PAWR: variants seen among roughly 807,000 people sequenced by gnomAD.
The protein encoded by PAWR is pro-apoptotic WT1 regulator.
A neutral mutation model predicts 32.0 loss-of-function variants in PAWR; 23 were observed. That is an observed-to-expected ratio of 0.72 (90% CI 0.52 to 1.02). The LOEUF (loss-of-function observed/expected upper bound fraction) is 1.02. PAWR is among the 50% of genes least tolerant of loss of function. The pLI is 0.00. For missense variants in PAWR, 457 were observed against 437.7 expected, an observed-to-expected ratio of 1.04 and a Z score of -0.39; for synonymous variants, 226 against 187.1, an observed-to-expected ratio of 1.21 and a Z score of -1.70.
At chr12:79,609,944 A>G (rs756815796) in intron 4 of PAWR, among the ~76,000 whole-genome samples, 2 of 152,202 alleles carry the variant, frequency 1.3e-5, no homozygotes, top group East Asian at 1.9e-4. Context: ...CCCCCTAGAT[A>G]CTGCCATGGG....
chr12:79,675,105 C>T (rs1419920028), intron 2 of PAWR, among the ~76,000 whole-genome samples: 3 of 152,186 alleles, frequency 2.0e-5, no homozygotes, highest in East Asian at 1.9e-4. Context: ...GGGCCAGGCA[C>T]GGTGGCTCAT....
intron 2 of PAWR, among the ~76,000 whole-genome samples, chr12:79,650,305 G>GC (rs35804660): frequency 0.013 from 1,914 of 152,270 alleles, 48 homozygotes; most frequent in African/African-American, 0.043. Flanking sequence ...CTGCTGAGCT[G>GC]CAAAGGAAGG....
intron 2 of PAWR, among the ~76,000 whole-genome samples, chr12:79,657,780 C>T (rs186099085): frequency 3.0e-3 from 444 of 150,046 alleles, no homozygotes; most frequent in Middle Eastern, 0.01. Flanking sequence ...GGCCACAGAG[C>T]GAGACTCCGT....
At chr12:79,639,769 A>C (rs1876188425) in intron 2 of PAWR, among the ~76,000 whole-genome samples, 1 of 146,388 alleles carries the variant, frequency 6.8e-6, no homozygotes. Context: ...ATACTGTATA[A>C]GTACTTAAGA....
At chr12:79,612,011 C>T (rs1465077253) in intron 4 of PAWR, among the ~76,000 whole-genome samples, 5 of 152,056 alleles carry the variant, frequency 3.3e-5, no homozygotes, top group African/African-American at 1.2e-4. Context: ...ATACAACAAA[C>T]TTGATAAGTT....
At chr12:79,643,269 C>T (rs368230842) in intron 2 of PAWR, among the ~76,000 whole-genome samples, 1 of 152,138 alleles carries the variant, frequency 6.6e-6, no homozygotes, top group East Asian at 1.9e-4. Flanking sequence ...ATATAGTACC[C>T]TTAACTTTTA....
At chr12:79,659,217 C>T (rs767195808) in intron 2 of PAWR, among the ~76,000 whole-genome samples, 4 of 151,818 alleles carry the variant, frequency 2.6e-5, no homozygotes, top group African/African-American at 7.3e-5. Flanking sequence ...TCGCTTGATC[C>T]CGGGAGGTGG....
chr12:79,603,085 AAAAAAAT>A (rs1251413181), intron 4 of PAWR, among the ~76,000 whole-genome samples: 1 of 150,914 alleles, frequency 6.6e-6, no homozygotes, highest in African/African-American at 2.5e-5. Context: ...CTATAAAATT[AAAAAAAT>A]AAAAAATTAG....
intron 2 of PAWR, among the ~76,000 whole-genome samples, chr12:79,683,698 T>C (rs886498917): frequency 6.6e-6 from 1 of 152,108 alleles, no homozygotes; most frequent in African/African-American, 2.4e-5. Context: ...AAAAGTTTTA[T>C]TAAGGTGAAA....
chr12:79,647,828 A>G (rs1425278916), intron 2 of PAWR, among the ~76,000 whole-genome samples: 1 of 152,228 alleles, frequency 6.6e-6, no homozygotes, highest in Non-Finnish European at 1.5e-5. Flanking sequence ...TTCCCAATAT[A>G]GTTTTCTAAC....
chr12:79,593,892 C>G (rs113968256), intron 6 of PAWR, among the ~76,000 whole-genome samples: 1 of 151,082 alleles, frequency 6.6e-6, no homozygotes, highest in Non-Finnish European at 1.5e-5. Flanking sequence ...TTAGTAGAGT[C>G]GGGGTTTTAC....
chr12:79,654,688 T>C (rs1034331760), intron 2 of PAWR, among the ~76,000 whole-genome samples: 9 of 152,182 alleles, frequency 5.9e-5, no homozygotes, highest in Non-Finnish European at 8.8e-5. Context: ...CTTACAATCA[T>C]GGAGGAAGGC....
intron 2 of PAWR, among the ~76,000 whole-genome samples, chr12:79,643,087 G>A (rs907048973): frequency 1.3e-5 from 2 of 151,952 alleles, no homozygotes; most frequent in Non-Finnish European, 2.9e-5. Context: ...TTGCTTTCAG[G>A]CAATTTTTGC....
At chr12:79,670,678 G>A (rs1429962416) in intron 2 of PAWR, among the ~76,000 whole-genome samples, 5 of 151,886 alleles carry the variant, frequency 3.3e-5, no homozygotes, top group Admixed American at 2.0e-4. Context: ...ATAACTACAC[G>A]AATTTATCAA....
intron 2 of PAWR, among the ~76,000 whole-genome samples, chr12:79,643,108 C>T (rs1405110217): frequency 6.6e-6 from 1 of 152,096 alleles, no homozygotes; most frequent in African/African-American, 2.4e-5. Context: ...ACCCTATTTT[C>T]TATACTATGT....
Position 79,690,368 on chromosome 12 carries a change from C to G in PAWR, c.-124G>C, listed in dbSNP as rs1441710757. The G allele has an allele frequency of 7.4e-7, 1 of 1,349,718 alleles. No individual in the cohort carries two copies. Among genetic ancestry groups the G allele is most frequent in the African/African-American group, 1.5e-5 (1 of 64,964 alleles). 83.6% of individuals were successfully genotyped at this position (1,349,718 alleles called of 1,614,324 possible). Reference sequence around the variant, plus strand: ...ACGACCTCCAGGAGAGGGACGGCCGCCGCTCCCACAGCAGCCGGCGGGGCT... The same window carrying G: ...ACGACCTCCAGGAGAGGGACGGCCGGCGCTCCCACAGCAGCCGGCGGGGCT... On this transcript the variant is annotated 5_prime_UTR_variant, in exon 2 of 7. Coordinates refer to ENST00000328827, the MANE Select transcript of PAWR (RefSeq NM_002583.4).
intron 3 of PAWR, among the ~76,000 whole-genome samples, chr12:79,619,667 T>G (rs1372863310): frequency 6.6e-6 from 1 of 152,188 alleles, no homozygotes; most frequent in Non-Finnish European, 1.5e-5. Flanking sequence ...CTGTTAAGAC[T>G]GGTACTGGTC....
chr12:79,613,650 T>G (rs373496338), intron 3 of PAWR, 41 bp from the exon 4 acceptor site: 1 of 1,083,554 alleles, frequency 9.2e-7, no homozygotes, highest in East Asian at 2.4e-5. Flanking sequence ...TGAGTATGTA[T>G]GTACACAATT....
chr12:79,640,594 A>G (rs917688354), intron 2 of PAWR, among the ~76,000 whole-genome samples: 5 of 152,030 alleles, frequency 3.3e-5, no homozygotes, highest in African/African-American at 1.2e-4. Context: ...TACCAAAATT[A>G]GCCGGGTATG....
Sources: gnomAD v4.1 joint callset for allele counts (sites outside exome capture counted in the v4.1 genomes callset) on GRCh38, gnomAD v4.1.1 for gene constraint, MANE v1.5 for transcripts, NCBI Gene and HGNC (gene_info 2026-07-23, HGNC 2026-07-21) for gene names.